PPP2R5B: variants seen among roughly 807,000 people sequenced by gnomAD.
PPP2R5B encodes serine/threonine-protein phosphatase 2A 56 kDa regulatory subunit beta isoform.
A neutral mutation model predicts 59.9 loss-of-function variants in PPP2R5B; 19 were observed. That is an observed-to-expected ratio of 0.32 (90% CI 0.22 to 0.47). PPP2R5B has a LOEUF of 0.47. PPP2R5B is among the 20% of genes least tolerant of loss of function. The pLI, the probability that PPP2R5B is intolerant of heterozygous loss-of-function variation, is 1.00. For synonymous variants in PPP2R5B, 286 were observed against 260.5 expected (o/e 1.10, Z -0.94); for missense variants, 441 against 640.2 (o/e 0.69, Z 3.36).
rs761237626 is a variant in PPP2R5B, at chr11:64,934,427, ACTC to A, written c.*587_*589del. The A allele has an allele frequency of 9.2e-5, 36 of 390,194 alleles. No individual in the cohort carries two copies. The highest frequency in any genetic ancestry group is 1.4e-4 in the Non-Finnish European group (30 of 208,848). The allele number at this position is 390,194 out of a possible 1,614,324, so 24.2% of individuals were successfully genotyped here. A position where few individuals can be genotyped will look rare whatever the true frequency, so the allele number is the denominator to read the frequency against. The stretch of plus-strand genomic sequence containing the variant: ...GGGGGGTTCACAGTAATCATGGTCT[ACTC>A]CTCTTTCCGTGGCTGGGGGTAGACT... On this transcript the variant is annotated 3_prime_UTR_variant, in exon 14 of 14. Coordinates refer to ENST00000164133, the MANE Select transcript of PPP2R5B (RefSeq NM_006244.4).
chr11:64,926,617 G>A (rs1590676542), intron 2 of PPP2R5B, 95 bp from the exon 3 acceptor site: 1 of 1,370,196 alleles, frequency 7.3e-7, no homozygotes, highest in African/African-American at 1.4e-5. Flanking sequence ...GGGGGCAGCA[G>A]AGGCAGCCGT....
chr11:64,933,297 C>A, intron 13 of PPP2R5B, 51 bp downstream of exon 13: 1 of 1,471,572 alleles, frequency 6.8e-7, no homozygotes, highest in South Asian at 1.1e-5. Flanking sequence ...AGGGAGGAGT[C>A]AGACCCCCAT....
chr11:64,924,501 A>AG (rs779805801), upstream of PPP2R5B: 3 of 57,942 alleles, frequency 5.2e-5, no homozygotes, highest in Non-Finnish European at 2.7e-4. Context: ...AGCCCATCCC[A>AG]CTCTGCTCTC....
intron 1 of PPP2R5B, chr11:64,917,679 C>T (rs1003890757): frequency 2.0e-5 from 3 of 152,832 alleles, no homozygotes; most frequent in Non-Finnish European, 4.4e-5. Flanking sequence ...CTTTTACCAT[C>T]CTTTATCTCA....
intron 13 of PPP2R5B, 89 bp from the exon 14 acceptor site, chr11:64,933,608 T>C: frequency 7.0e-7 from 1 of 1,435,302 alleles, no homozygotes; most frequent in Non-Finnish European, 9.2e-7. Flanking sequence ...CCTTTGCCGG[T>C]GGGGTGGTAG....
At chr11:64,932,704 G>A in intron 11 of PPP2R5B, 61 bp from the exon 12 acceptor site, 1 of 1,588,730 alleles carries the variant, frequency 6.3e-7, no homozygotes, top group Non-Finnish European at 8.6e-7. Context: ...ATGGACACCA[G>A]ACCTTGCACA....
At chr11:64,933,661 C>T in intron 13 of PPP2R5B, 36 bp from the exon 14 acceptor site, 1 of 1,534,574 alleles carries the variant, frequency 6.5e-7, no homozygotes, top group Admixed American at 2.1e-5. Flanking sequence ...TGTGGGGGGC[C>T]CCAGGAAAGG....
intron 3 of PPP2R5B, 74 bp from the exon 4 acceptor site, chr11:64,927,728 A>AT: frequency 8.9e-7 from 1 of 1,127,604 alleles, no homozygotes; most frequent in Non-Finnish European, 1.3e-6. Context: ...AAAAAAAAAA[A>AT]GCTTTGAATG....
rs562617336 is a variant in PPP2R5B at position 64,934,207 on chromosome 11, C to T, written c.*363C>T. 156 of 250,896 alleles carry T rather than the reference C, an allele frequency of 6.2e-4. 3 individuals carry two copies. In the East Asian group the frequency reaches 9.1e-3, roughly 15 times the overall value. The allele number at this position is 250,896 out of a possible 1,614,324, so 15.5% of individuals were successfully genotyped here. ...TCGCCTGCCCCTGCCTTGGCCAATG[C>T]GAGGTCCTTCCTTATCCCCACCATG... On this transcript the variant is annotated 3_prime_UTR_variant, in exon 14 of 14. Transcript: ENST00000164133.
intron 6 of PPP2R5B, 73 bp from the exon 7 acceptor site, chr11:64,930,249 G>A: frequency 6.6e-7 from 1 of 1,515,698 alleles, no homozygotes; most frequent in Non-Finnish European, 9.2e-7. Context: ...GTGAGGGTGG[G>A]CAGGCAGGAT....
In PPP2R5B at chr11:64,925,473, C is replaced by G; in HGVS notation, c.-262C>G. On this transcript the variant is annotated splice_region_variant and 5_prime_UTR_variant, in exon 2 of 14. Coordinates refer to ENST00000164133, the MANE Select transcript of PPP2R5B (RefSeq NM_006244.4). This position sits in a 1 kb window ranked among gnomAD's most constrained non-coding sequence, Gnocchi z 4.6. ...CTGCCTGACTTCGTTTTCAAAAGAGCCAGGGTGGGAACCCTAACTGGACTC... is the reference window on the plus strand; with the variant it reads ...CTGCCTGACTTCGTTTTCAAAAGAGGCAGGGTGGGAACCCTAACTGGACTC... The G allele has an allele frequency of 2.5e-6, 1 of 398,734 alleles. No homozygotes were observed. Among genetic ancestry groups the G allele is most frequent in the Non-Finnish European group, 4.5e-6 (1 of 219,876 alleles). 24.7% of individuals were successfully genotyped at this position (398,734 alleles called of 1,614,324 possible). A position where few individuals can be genotyped will look rare whatever the true frequency, so the allele number is the denominator to read the frequency against.
At chr11:64,924,361 G>C (rs1219195110), upstream of PPP2R5B, 2 of 152,512 alleles carry the variant, frequency 1.3e-5, no homozygotes, top group African/African-American at 4.8e-5. Flanking sequence ...TGTGGGCCTA[G>C]CGTAGCTTGC....
At chr11:64,920,071 C>A (rs548279186), upstream of PPP2R5B, among the ~76,000 whole-genome samples, 36 of 152,186 alleles carry the variant, frequency 2.4e-4, no homozygotes, top group African/African-American at 8.7e-4. Flanking sequence ...TGAGATTGCA[C>A]CACTGCACTC....
Position 64,928,098 on chromosome 11 carries a change from G to C in PPP2R5B, c.531G>C (p.Glu177Asp). Residue 177 changes from glutamate (E) to aspartate (D), a missense_variant, in exon 5 of 14, where the codon GAG becomes GAC. Around this residue, in one of 3 missense-constraint regions of PPP2R5B, gnomAD observed 268 missense variants for 488.1 expected, o/e 0.55. Coordinates refer to ENST00000164133, the MANE Select transcript of PPP2R5B (RefSeq NM_006244.4). Reference sequence around the variant, plus strand: ...ATGAGTTTTTCCTGCGTTTCTTGGAGAGCCCAGACTTCCAGCCCTCCGTGG... The same window carrying C: ...ATGAGTTTTTCCTGCGTTTCTTGGACAGCCCAGACTTCCAGCCCTCCGTGG... ...LVYEFFLRFL[E>D]SPDFQPSVAK... 2 of 1,614,224 alleles carry C rather than the reference G, an allele frequency of 1.2e-6. No individual in the cohort carries two copies. Among genetic ancestry groups the C allele is most frequent in the Non-Finnish European group, 1.7e-6 (2 of 1,180,046 alleles).
At chr11:64,930,640 C>A (rs764543460) in intron 8 of PPP2R5B, 51 bp downstream of exon 8, 6 of 1,504,254 alleles carry the variant, frequency 4.0e-6, no homozygotes, top group Non-Finnish European at 5.6e-6. Context: ...ACAGTCAGGG[C>A]AGCCAGTGGG....
rs1191241996 is a variant in PPP2R5B at position 64,924,696 on chromosome 11, T to C, written c.-597T>C. The C allele has an allele frequency of 6.6e-6, 1 of 152,216 alleles. No homozygotes were observed. Among genetic ancestry groups the C allele is most frequent in the Non-Finnish European group, 1.5e-5 (1 of 68,044 alleles). 9.4% of individuals were successfully genotyped at this position (152,216 alleles called of 1,614,324 possible). ...GGTGGGGGGAGGTGACTTGATGTCA[T>C]CCTGAGCAGCTGGGCGGCGGGTGCC... On this transcript the variant is annotated 5_prime_UTR_variant, in exon 1 of 14. Coordinates refer to ENST00000164133, the MANE Select transcript of PPP2R5B (RefSeq NM_006244.4).
rs1401665510 is a variant in PPP2R5B, at chr11:64,925,280, GCTTT to G, written c.-264-188_-264-185del. Among the ~76,000 whole-genome samples, 2 of 152,082 alleles carry G rather than the reference GCTTT, an allele frequency of 1.3e-5. No individual in the cohort carries two copies. The highest frequency in any genetic ancestry group is 4.8e-5 in the African/African-American group (2 of 41,406). On this transcript the variant is annotated intron_variant, in intron 1 of 13. Coordinates refer to ENST00000164133, the MANE Select transcript of PPP2R5B (RefSeq NM_006244.4). The surrounding 1 kb of genome is among the most constrained non-coding windows in gnomAD (Gnocchi z 4.6). ...TATTCTGGGAGGGGTTGTTTTGGAG[GCTTT>G]CTGTCTGAGAGAAGGGAGGGACATG...
intron 13 of PPP2R5B, 141 bp from the exon 14 acceptor site, chr11:64,933,556 G>A (rs1945251929): frequency 6.4e-6 from 7 of 1,099,636 alleles, no homozygotes; most frequent in Non-Finnish European, 8.9e-6. Flanking sequence ...CTCAGTAGAG[G>A]GTTTTTATGG....
Position 64,931,694 on chromosome 11 carries a change from G to A in PPP2R5B, c.997-55G>A. 1.2e-6 allele frequency: 2 copies of A among 1,614,010 alleles called. No individual in the cohort carries two copies. Among genetic ancestry groups the A allele is most frequent in the South Asian group, 1.1e-5 (1 of 91,074 alleles). On this transcript the variant is annotated intron_variant, in intron 10 of 13. Transcript: ENST00000164133. This position sits in a 1 kb window ranked among gnomAD's most constrained non-coding sequence, Gnocchi z 5.0. Reference sequence around the variant, plus strand: ...GGCAGTCAGGTGTGTGTATGTGTAGGGGGAGATGTGAGCTGCTGCCCCTCT... The same window carrying A: ...GGCAGTCAGGTGTGTGTATGTGTAGAGGGAGATGTGAGCTGCTGCCCCTCT...
Sources: allele counts gnomAD v4.1 joint callset (sites outside exome capture counted in the v4.1 genomes callset), GRCh38; gene constraint gnomAD v4.1.1; regional missense constraint gnomAD v4.1.1; non-coding constraint Gnocchi (gnomAD v3.1); transcripts MANE v1.5; gene names NCBI Gene and HGNC (gene_info 2026-07-23, HGNC 2026-07-21).